The following UBE2N variants were observed in gnomAD, a reference collection of about 807,000 sequenced individuals.
UBE2N encodes ubiquitin conjugating enzyme E2 N.
For missense variants in UBE2N, 60 were observed against 192.1 expected (o/e 0.31, Z 4.07); for synonymous variants, 70 against 69.2 (o/e 1.01, Z -0.06).
At chr12:93,431,964 T>C (rs1249905525) in intron 1 of UBE2N, among the ~76,000 whole-genome samples, 2 of 152,178 alleles carry the variant, frequency 1.3e-5, no homozygotes, top group Non-Finnish European at 2.9e-5. Context: ...CTGGGCGCGG[T>C]GGCTCCTGCC....
intron 1 of UBE2N, chr12:93,424,344 A>G (rs1878509726): frequency 6.6e-6 from 1 of 152,224 alleles, no homozygotes; most frequent in African/African-American, 2.4e-5. Flanking sequence ...TGAGGACTCC[A>G]TAATAGGTAA....
At chr12:93,418,946 G>A (rs1052901698) in intron 1 of UBE2N, among the ~76,000 whole-genome samples, 1 of 152,130 alleles carries the variant, frequency 6.6e-6, no homozygotes, top group Non-Finnish European at 1.5e-5. Context: ...GGAATGATTA[G>A]TGGCTCCCAA....
chr12:93,423,459 A>G (rs548429303), intron 1 of UBE2N, among the ~76,000 whole-genome samples: 10 of 152,358 alleles, frequency 6.6e-5, no homozygotes, highest in Admixed American at 3.9e-4. Flanking sequence ...AGAGGAGAGC[A>G]TACAAGTCAA....
intron 1 of UBE2N, among the ~76,000 whole-genome samples, chr12:93,415,011 C>T (rs1297632295): frequency 4.6e-5 from 7 of 151,946 alleles, no homozygotes; most frequent in African/African-American, 1.7e-4. Context: ...AGAATTTCAT[C>T]GTTAACATCA....
At chr12:93,420,158 C>T (rs1021136) in intron 1 of UBE2N, among the ~76,000 whole-genome samples, 19,906 of 152,212 alleles carry the variant, frequency 0.13, 1,652 homozygotes, top group East Asian at 0.21. Context: ...AAGACTAAAT[C>T]TCAGAGTACT....
rs945820305 is a variant in UBE2N, at chr12:93,409,643, C to A, written c.*396G>T. On this transcript the variant is annotated 3_prime_UTR_variant, in exon 4 of 4. Transcript: ENST00000318066. ...GATCACCAAAAAAGGGGGAAAGGAGCCCATAAAATTAAACTACCTCCCCCC... is the reference window on the plus strand; with the variant it reads ...GATCACCAAAAAAGGGGGAAAGGAGACCATAAAATTAAACTACCTCCCCCC... The A allele has an allele frequency of 5.8e-6, 1 of 172,518 alleles. No individual in the cohort carries two copies. Among genetic ancestry groups the A allele is most frequent in the Non-Finnish European group, 1.4e-5 (1 of 72,228 alleles). The allele number at this position is 172,518 out of a possible 1,614,324, so 10.7% of individuals were successfully genotyped here.
Position 93,409,243 on chromosome 12 carries a change from T to C in UBE2N, c.*796A>G, listed in dbSNP as rs183521994. On this transcript the variant is annotated 3_prime_UTR_variant, in exon 4 of 4. Transcript: ENST00000318066. ...CAAAATCCACCTCTTGCCATTCAAT[T>C]TGTCAGATGGTGAAGACCAAGAAAG... The C allele has an allele frequency of 1.5e-4, 23 of 152,832 alleles. 1 individual carries two copies. The East Asian group carries it at 3.9e-3, about 26-fold the overall frequency. 9.5% of individuals were successfully genotyped at this position (152,832 alleles called of 1,614,324 possible).
rs113762165 is a variant in UBE2N, at chr12:93,421,944, C to A, written c.31-10645G>T. 7.3e-3 allele frequency among the ~76,000 whole-genome samples: 1,111 copies of A among 152,248 alleles called. 15 individuals carry two copies. Among genetic ancestry groups the A allele is most frequent in the African/African-American group, 0.026 (1,061 of 41,538 alleles). On this transcript the variant is annotated intron_variant, in intron 1 of 3. Transcript: ENST00000318066. ...AGCAGTTTATTTCATTGTGAGTAGT[C>A]AAGGTCTTAAGGTACAGGAGGTGTG...
chr12:93,422,004 C>A (rs570175242), intron 1 of UBE2N, among the ~76,000 whole-genome samples: 106 of 152,254 alleles, frequency 7.0e-4, no homozygotes, highest in Non-Finnish European at 1.2e-3. Flanking sequence ...AGAGCAGAAC[C>A]AGATTACAGG....
chr12:93,413,606 G>T (rs1263440206), intron 1 of UBE2N, among the ~76,000 whole-genome samples: 1 of 152,036 alleles, frequency 6.6e-6, no homozygotes, highest in Non-Finnish European at 1.5e-5. Context: ...CCCCACATCA[G>T]TTACTGGCAA....
At chr12:93,438,619 C>T (rs557863670) in intron 1 of UBE2N, among the ~76,000 whole-genome samples, 1 of 152,072 alleles carries the variant, frequency 6.6e-6, no homozygotes, top group Non-Finnish European at 1.5e-5. Flanking sequence ...GATGGAGAAC[C>T]TCTACAGTTT....
intron 1 of UBE2N, among the ~76,000 whole-genome samples, chr12:93,429,701 G>A (rs1878701104): frequency 6.6e-6 from 1 of 151,968 alleles, no homozygotes; most frequent in Admixed American, 6.6e-5. Context: ...AGGACAAGAG[G>A]AGCTGGAAGA....
chr12:93,441,814 G>A, intron 1 of UBE2N, 41 bp downstream of exon 1: 2 of 1,577,276 alleles, frequency 1.3e-6, no homozygotes, highest in Non-Finnish European at 1.7e-6. Flanking sequence ...CTGAGCCGAC[G>A]AGAGCAGAGC....
chr12:93,440,298 G>A (rs978309222), intron 1 of UBE2N, among the ~76,000 whole-genome samples: 1 of 151,956 alleles, frequency 6.6e-6, no homozygotes, highest in Non-Finnish European at 1.5e-5. Flanking sequence ...CACGTTGTAC[G>A]GACCTGCCAA....
intron 1 of UBE2N, among the ~76,000 whole-genome samples, chr12:93,440,184 C>G (rs1198298866): frequency 2.0e-5 from 3 of 152,152 alleles, no homozygotes. Context: ...ACAACGAAAA[C>G]AAGGATATTT....
At chr12:93,436,283 T>C (rs1031412723) in intron 1 of UBE2N, among the ~76,000 whole-genome samples, 1 of 152,100 alleles carries the variant, frequency 6.6e-6, no homozygotes, top group African/African-American at 2.4e-5. Context: ...TTTTATCTTT[T>C]TGTAGAGACA....
chr12:93,417,687 C>T (rs1025412930), intron 1 of UBE2N, among the ~76,000 whole-genome samples: 29 of 152,220 alleles, frequency 1.9e-4, no homozygotes, highest in African/African-American at 7.0e-4. Context: ...CAGTAACTGC[C>T]AATTTCATTA....
chr12:93,436,483 G>T lies in UBE2N; in HGVS notation c.30+5372C>A, dbSNP rs113320314. 3.4e-4 allele frequency among the ~76,000 whole-genome samples: 52 copies of T among 152,284 alleles called. 2 individuals are homozygous for T. The highest frequency in any genetic ancestry group is 9.6e-4 in the African/African-American group (40 of 41,564). ...TAACATGTAAAGCTGAAACAGATTT[G>T]GTTTTGACCAAGGCCATAACTATAG... On this transcript the variant is annotated intron_variant, in intron 1 of 3. Transcript: ENST00000318066.
intron 1 of UBE2N, 135 bp from the exon 2 acceptor site, chr12:93,411,434 A>C: frequency 7.8e-7 from 1 of 1,284,298 alleles, no homozygotes; most frequent in South Asian, 1.9e-5. Flanking sequence ...TAGCTTATAA[A>C]ATGCAAAATT....
Sources: gnomAD v4.1 joint callset for allele counts (sites outside exome capture counted in the v4.1 genomes callset) on GRCh38, gnomAD v4.1.1 for gene constraint, MANE v1.5 for transcripts, NCBI Gene and HGNC (gene_info 2026-07-23, HGNC 2026-07-21) for gene names.